RBFOX1: variants seen among roughly 807,000 people sequenced by gnomAD.
RBFOX1 encodes the protein RNA binding protein fox-1 homolog 1.
RBFOX1 carries 8 observed loss-of-function variants against 57.7 expected under a neutral mutation model. The ratio of observed to expected loss-of-function variants is 0.14; its 90% CI spans 0.08 to 0.25. The LOEUF is 0.25. Among genes scored for constraint, RBFOX1 ranks in the 10% least tolerant of loss-of-function variants. The pLI, the probability that RBFOX1 is intolerant of heterozygous loss-of-function variation, is 1.00. For synonymous variants in RBFOX1, 326 were observed against 222.4 expected, an observed-to-expected ratio of 1.47 and a Z score of -4.15; for missense variants, 611 against 548.5, an observed-to-expected ratio of 1.11 and a Z score of -1.14.
intron 3 of RBFOX1, among the ~76,000 whole-genome samples, chr16:6,889,610 A>C (rs976171267): frequency 6.6e-6 from 1 of 152,158 alleles, no homozygotes; most frequent in Non-Finnish European, 1.5e-5. Context: ...TTTGTGGAGG[A>C]AGGGAAGAGT....
chr16:5,463,162 G>C (rs2068844011), intron 1 of RBFOX1, among the ~76,000 whole-genome samples: 1 of 152,214 alleles, frequency 6.6e-6, no homozygotes, highest in Non-Finnish European at 1.5e-5. Context: ...CCAGGGTTGA[G>C]TTTGGAGAGT....
chr16:7,129,354 C>G (rs1278603715), intron 4 of RBFOX1, among the ~76,000 whole-genome samples: 1 of 152,080 alleles, frequency 6.6e-6, no homozygotes, highest in Non-Finnish European at 1.5e-5. Context: ...GTACAGGAGT[C>G]AGCCCTACCT....
At chr16:5,313,453 A>G (rs1269441749) in intron 1 of RBFOX1, among the ~76,000 whole-genome samples, 3 of 152,178 alleles carry the variant, frequency 2.0e-5, no homozygotes, top group African/African-American at 7.2e-5. Flanking sequence ...AACAAACAGG[A>G]TCATCTACAT....
intron 14 of RBFOX1, among the ~76,000 whole-genome samples, chr16:7,688,791 T>C (rs2076692544): frequency 6.6e-6 from 1 of 152,126 alleles, no homozygotes; most frequent in South Asian, 2.1e-4. Context: ...TGCCATTTCA[T>C]AATCAAGTTG....
intron 4 of RBFOX1, among the ~76,000 whole-genome samples, chr16:7,153,176 T>G (rs1401598032): frequency 6.9e-6 from 1 of 144,788 alleles, no homozygotes; most frequent in East Asian, 2.1e-4. Context: ...TCCGTCTGTG[T>G]CACTGGTGGA....
At chr16:6,677,470 T>C (rs1331689843) in intron 3 of RBFOX1, among the ~76,000 whole-genome samples, 1 of 152,082 alleles carries the variant, frequency 6.6e-6, no homozygotes, top group Non-Finnish European at 1.5e-5. Flanking sequence ...CATCAAAAGA[T>C]CCTAAAAAGA....
chr16:5,621,645 C>T (rs1036628355), intron 3 of RBFOX1, among the ~76,000 whole-genome samples: 5 of 152,154 alleles, frequency 3.3e-5, no homozygotes, highest in Non-Finnish European at 7.3e-5. Context: ...CCCCTATCAA[C>T]TCACTGTGTC....
chr16:7,669,715 A>G (rs1470922944), intron 13 of RBFOX1, among the ~76,000 whole-genome samples: 6 of 152,198 alleles, frequency 3.9e-5, no homozygotes, highest in Non-Finnish European at 1.5e-5. Context: ...TCCTCATTTC[A>G]CTGATGTTTA....
At chr16:6,934,512 G>C (rs954525259) in intron 3 of RBFOX1, among the ~76,000 whole-genome samples, 10 of 151,970 alleles carry the variant, frequency 6.6e-5, no homozygotes, top group South Asian at 6.2e-4. Flanking sequence ...AAGAACATGT[G>C]GTATATGTAT....
intron 3 of RBFOX1, among the ~76,000 whole-genome samples, chr16:5,784,934 C>G (rs2054449381): frequency 6.6e-6 from 1 of 152,164 alleles, no homozygotes; most frequent in Non-Finnish European, 1.5e-5. Context: ...TGTTTATAAG[C>G]TACCCAGTGT....
intron 4 of RBFOX1, among the ~76,000 whole-genome samples, chr16:7,420,661 A>T (rs917518550): frequency 3.3e-5 from 5 of 150,936 alleles, no homozygotes; most frequent in Non-Finnish European, 7.4e-5. Flanking sequence ...TGCCAGGTTG[A>T]ATGTTGTCTA....
chr16:5,467,324 C>A (rs758186051), intron 2 of RBFOX1: 9 of 1,410,166 alleles, frequency 6.4e-6, no homozygotes, highest in African/African-American at 2.9e-5. Context: ...ATAGAAAAAT[C>A]TTGCGTCACA....
chr16:6,321,421 C>T (rs74005085), intron 2 of RBFOX1, among the ~76,000 whole-genome samples: 1 of 152,162 alleles, frequency 6.6e-6, no homozygotes, highest in African/African-American at 2.4e-5. Flanking sequence ...TAAATTGCTA[C>T]TGTCTCAAGC....
chr16:7,238,389 A>T (rs2152956328), intron 4 of RBFOX1, among the ~76,000 whole-genome samples: 1 of 152,292 alleles, frequency 6.6e-6, no homozygotes, highest in African/African-American at 2.4e-5. Flanking sequence ...CTTTCTGCAC[A>T]TCTGCCAGCT....
At chr16:5,509,759 C>A (rs549844223) in intron 2 of RBFOX1, among the ~76,000 whole-genome samples, 1 of 152,156 alleles carries the variant, frequency 6.6e-6, no homozygotes, top group African/African-American at 2.4e-5. Flanking sequence ...CCAAGATGGG[C>A]GCATACACAG....
intron 3 of RBFOX1, among the ~76,000 whole-genome samples, chr16:5,805,272 A>G (rs1216197558): frequency 1.3e-5 from 2 of 152,122 alleles, no homozygotes; most frequent in African/African-American, 2.4e-5. Context: ...GGATGGGTTC[A>G]TTCATTTATT....
At chr16:5,526,020 AG>A (rs5815252) in intron 2 of RBFOX1, among the ~76,000 whole-genome samples, 14,971 of 152,046 alleles carry the variant, frequency 0.098, 1,782 homozygotes, top group African/African-American at 0.29. Flanking sequence ...CTGTGGTCCC[AG>A]GGGGCGGACG....
Position 5,777,125 on chromosome 16 carries a change from T to A in RBFOX1, c.319-90178T>A, listed in dbSNP as rs1374956355. ...TGTGGTTTAAACAACACAAATTTAT[T>A]ACCTTACAATTCTGGAGGTCACAAG... On this transcript the variant is annotated intron_variant, in intron 3 of 19. Transcript: ENST00000641259. Among the ~76,000 whole-genome samples the A allele has an allele frequency of 2.0e-5, 3 of 152,296 alleles. No individual in the cohort carries two copies. The East Asian group carries it at 5.8e-4, about 29-fold the overall frequency.
chr16:5,254,708 G>C (rs907410858), intron 1 of RBFOX1, among the ~76,000 whole-genome samples: 2 of 152,180 alleles, frequency 1.3e-5, no homozygotes, highest in African/African-American at 4.8e-5. Context: ...AACAGTTCCA[G>C]CGTTTAGTGA....
Sources: allele counts gnomAD v4.1 joint callset (sites outside exome capture counted in the v4.1 genomes callset), GRCh38; gene constraint gnomAD v4.1.1; transcripts MANE v1.5; gene names NCBI Gene and HGNC (gene_info 2026-07-23, HGNC 2026-07-21).